Variants in HTR1E observed in about 807,000 individuals in gnomAD.
HTR1E encodes the protein 5-hydroxytryptamine receptor 1E.
In HTR1E, 3 loss-of-function variants were observed where a neutral mutation model predicts 3.4. That is an observed-to-expected ratio of 0.89 (90% CI 0.41 to 2.31). The LOEUF (loss-of-function observed/expected upper bound fraction) is 2.31, where lower values mean the gene tolerates loss of function less well. Among genes scored for constraint, HTR1E ranks in the 30% most tolerant of loss-of-function variants. The pLI is 0.05. For synonymous variants in HTR1E, 170 were observed against 182.8 expected, an observed-to-expected ratio of 0.93 and a Z score of 0.56; for missense variants, 392 against 467.0, an observed-to-expected ratio of 0.84 and a Z score of 1.48.
At chr6:86,989,405 AATG>A (rs1196728095) in intron 1 of HTR1E, among the ~76,000 whole-genome samples, 2 of 152,214 alleles carry the variant, frequency 1.3e-5, no homozygotes, top group Non-Finnish European at 2.9e-5. Flanking sequence ...TGATAAAAAA[AATG>A]ATGAGCTATT....
Position 87,016,500 on chromosome 6 carries a change from C to T in HTR1E, c.*68C>T, listed in dbSNP as rs903645805. On this transcript the variant is annotated 3_prime_UTR_variant, in exon 2 of 2. Transcript: ENST00000305344. ...GAGTGGATGGGGGTAAGGGGTGCAA[C>T]TTATTAATTCTTGAACATACTTGGT... 1 of 1,300,436 alleles carries T rather than the reference C, an allele frequency of 7.7e-7. No homozygotes were observed. Among genetic ancestry groups the T allele is most frequent in the African/African-American group, 1.5e-5 (1 of 67,482 alleles). 80.6% of individuals were successfully genotyped at this position (1,300,436 alleles called of 1,614,324 possible).
intron 1 of HTR1E, among the ~76,000 whole-genome samples, chr6:86,955,896 A>G (rs1417385573): frequency 2.0e-5 from 3 of 151,692 alleles, no homozygotes; most frequent in Non-Finnish European, 2.9e-5. Flanking sequence ...AGACCCCCCC[A>G]ACCAATTGAC....
intron 1 of HTR1E, among the ~76,000 whole-genome samples, chr6:86,969,276 G>A (rs997553291): frequency 1.3e-5 from 2 of 152,062 alleles, no homozygotes; most frequent in African/African-American, 4.8e-5. Flanking sequence ...AGAGCAAATA[G>A]GAACAGAGGA....
chr6:86,951,940 A>G (rs533668216), intron 1 of HTR1E, among the ~76,000 whole-genome samples: 1 of 152,280 alleles, frequency 6.6e-6, no homozygotes, highest in East Asian at 1.9e-4. Context: ...ATATATTTTT[A>G]TACTGTTGTT....
intron 1 of HTR1E, among the ~76,000 whole-genome samples, chr6:87,009,613 G>A (rs1164572055): frequency 6.7e-6 from 1 of 148,476 alleles, no homozygotes; most frequent in Non-Finnish European, 1.5e-5. Context: ...GGGCAGAGGG[G>A]CTCCTCACTT....
chr6:86,959,225 A>C (rs1226580987), intron 1 of HTR1E, among the ~76,000 whole-genome samples: 1 of 151,988 alleles, frequency 6.6e-6, no homozygotes, highest in Non-Finnish European at 1.5e-5. Context: ...AATCTGCTTT[A>C]CCTGAAGTCC....
chr6:87,016,082 T>C lies in HTR1E; in HGVS notation c.748T>C (p.Ser250Pro). 1 of 1,614,136 alleles carries C rather than the reference T, an allele frequency of 6.2e-7. No homozygotes were observed. Among genetic ancestry groups the C allele is most frequent in the South Asian group, 1.1e-5 (1 of 91,078 alleles). The change falls in exon 2 of 2, where the codon TCA becomes CCA. Residue 250 changes from serine to proline, a missense_variant. Around this residue, in one of 3 missense-constraint regions of HTR1E, gnomAD observed 178 missense variants for 164.9 expected, o/e 1.08. Transcript: ENST00000305344. The part of the protein sequence containing the change: ...QTFCVSDFST[S>P]DPTTEFEKFH... Reference sequence around the variant, plus strand: ...TTTCTGTGTGTCTGACTTCTCCACCTCAGACCCTACCACAGAGTTTGAAAA... The same window carrying C: ...TTTCTGTGTGTCTGACTTCTCCACCCCAGACCCTACCACAGAGTTTGAAAA...
chr6:86,986,300 T>C (rs901543268), intron 1 of HTR1E, among the ~76,000 whole-genome samples: 2 of 152,190 alleles, frequency 1.3e-5, no homozygotes, highest in African/African-American at 4.8e-5. Flanking sequence ...CTTAGAAACA[T>C]TTTTAAAGTA....
chr6:86,996,378 G>A (rs971931694), intron 1 of HTR1E, among the ~76,000 whole-genome samples: 1 of 152,020 alleles, frequency 6.6e-6, no homozygotes, highest in Non-Finnish European at 1.5e-5. Context: ...AGCAACTCAG[G>A]AGAAATCTTT....
intron 1 of HTR1E, among the ~76,000 whole-genome samples, chr6:86,968,875 C>T (rs1767510555): frequency 6.6e-6 from 1 of 151,798 alleles, no homozygotes; most frequent in Non-Finnish European, 1.5e-5. Context: ...TCTATTAACA[C>T]AAGATTATTT....
At chr6:86,965,071 C>A (rs1391013289) in intron 1 of HTR1E, among the ~76,000 whole-genome samples, 1 of 152,184 alleles carries the variant, frequency 6.6e-6, no homozygotes, top group Non-Finnish European at 1.5e-5. Flanking sequence ...CCTATCACTG[C>A]CTCCACTCCA....
chr6:87,015,401 A>G lies in HTR1E; in HGVS notation c.67A>G (p.Met23Val). ...AAGACCCAAGACCATCACTGAGAAGATGCTCATTTGCATGACTCTGGTGGT... is the reference window on the plus strand; with the variant it reads ...AAGACCCAAGACCATCACTGAGAAGGTGCTCATTTGCATGACTCTGGTGGT... ...AIRPKTITEK[M>V]LICMTLVVIT... Residue 23 changes from methionine to valine, a missense_variant, in exon 2 of 2, where the codon ATG (methionine) becomes GTG (valine). Met to Val is a conservative substitution (Grantham distance 21). This residue lies in a region of HTR1E where 189 missense variants were observed against 258.0 expected (regional missense o/e 0.73). Transcript: ENST00000305344. 6.2e-7 allele frequency: 1 copy of G among 1,611,618 alleles called. No individual in the cohort carries two copies. Among genetic ancestry groups the G allele is most frequent in the African/African-American group, 1.3e-5 (1 of 74,954 alleles).
At chr6:86,989,733 A>G (rs1045088050) in intron 1 of HTR1E, among the ~76,000 whole-genome samples, 1 of 152,176 alleles carries the variant, frequency 6.6e-6, no homozygotes, top group African/African-American at 2.4e-5. Context: ...ATGAGGTGCT[A>G]ATTTTACAGA....
chr6:87,009,687 G>A (rs1456115688), intron 1 of HTR1E, among the ~76,000 whole-genome samples: 3 of 144,772 alleles, frequency 2.1e-5, no homozygotes, highest in African/African-American at 7.8e-5. Context: ...GGCCGGGCGG[G>A]GGGCCGACCC....
chr6:86,959,915 C>T (rs964899419), intron 1 of HTR1E, among the ~76,000 whole-genome samples: 1 of 152,144 alleles, frequency 6.6e-6, no homozygotes, highest in African/African-American at 2.4e-5. Context: ...TCTGTAGGGA[C>T]ACTCTTCCTT....
intron 1 of HTR1E, among the ~76,000 whole-genome samples, chr6:86,951,530 T>C (rs1302716313): frequency 6.6e-6 from 1 of 152,196 alleles, no homozygotes; most frequent in Non-Finnish European, 1.5e-5. Flanking sequence ...TGTGACTCTA[T>C]TGATTTATAA....
chr6:87,005,117 T>C (rs796207201), intron 1 of HTR1E, among the ~76,000 whole-genome samples: 17 of 152,360 alleles, frequency 1.1e-4, no homozygotes, highest in African/African-American at 4.1e-4. Flanking sequence ...AGATATTCCA[T>C]GTTTATGGAT....
chr6:86,981,059 A>AC (rs1239045263), intron 1 of HTR1E, among the ~76,000 whole-genome samples: 1 of 152,184 alleles, frequency 6.6e-6, no homozygotes, highest in African/African-American at 2.4e-5. Context: ...CTGTCTTTTC[A>AC]CTAAGCAGCT....
At chr6:87,010,556 C>T (rs1013219571) in intron 1 of HTR1E, among the ~76,000 whole-genome samples, 1 of 142,348 alleles carries the variant, frequency 7.0e-6, no homozygotes, top group South Asian at 2.5e-4. Flanking sequence ...GATGGGCGGC[C>T]GGGCAGAGAC....
Sources: gnomAD v4.1 joint callset for allele counts (sites outside exome capture counted in the v4.1 genomes callset) on GRCh38, gnomAD v4.1.1 for gene constraint, gnomAD v4.1.1 regional missense constraint, MANE v1.5 for transcripts, NCBI Gene and HGNC (gene_info 2026-07-23, HGNC 2026-07-21) for gene names.